The following ODF2L variants were observed in gnomAD, a reference collection of about 807,000 sequenced individuals.
The protein encoded by ODF2L is protein BCAP.
Under a neutral mutation model 86.3 loss-of-function variants are expected in ODF2L, and 76 were observed. The observed-to-expected ratio is 0.88, with a 90% CI of 0.73 to 1.07. The LOEUF (loss-of-function observed/expected upper bound fraction) is 1.07. ODF2L is among the 50% of genes least tolerant of loss of function. The pLI is 0.00. For missense variants in ODF2L, 748 were observed against 717.4 expected, an observed-to-expected ratio of 1.04 and a Z score of -0.49; for synonymous variants, 241 against 231.3, an observed-to-expected ratio of 1.04 and a Z score of -0.38.
At chr1:86,354,809 G>C in exon 15 of ODF2L, 2 of 1,606,638 alleles carry the variant, frequency 1.2e-6, no homozygotes, top group Non-Finnish European at 1.7e-6. Flanking sequence ...GAATAAGACA[G>C]TTTTCCTCTT....
chr1:86,358,494 A>G (rs1477248560), intron 13 of ODF2L: 1 of 167,138 alleles, frequency 6.0e-6, no homozygotes, highest in Non-Finnish European at 1.3e-5. Context: ...TTGTATACTT[A>G]TGATTGATAA....
chr1:86,376,656 G>C lies in ODF2L; in HGVS notation c.625-238C>G, dbSNP rs552488726. Among the ~76,000 whole-genome samples, 412 of 152,182 alleles carry C rather than the reference G, an allele frequency of 2.7e-3. 1 individual carries two copies. Among genetic ancestry groups the C allele is most frequent in the African/African-American group, 8.8e-3 (366 of 41,520 alleles). ...CATTGTAGAAGGCAGAGGAAGAAAG[G>C]ACCTTCTTCACATGGCGACAGGAGA... On this transcript the variant is annotated intron_variant, in intron 7 of 17. Transcript: ENST00000317336.
intron 6 of ODF2L, 54 bp from the exon 7 acceptor site, chr1:86,382,412 C>T: frequency 6.3e-7 from 1 of 1,595,732 alleles, no homozygotes. Flanking sequence ...TGCTGTATCC[C>T]CAGCCCAATA....
intron 3 of ODF2L, among the ~76,000 whole-genome samples, chr1:86,385,163 TTTTAG>T (rs1405051423): frequency 1.1e-4 from 16 of 152,100 alleles, no homozygotes; most frequent in African/African-American, 3.6e-4. Flanking sequence ...TCTCAGAAGA[TTTTAG>T]TTTAAAATTC....
intron 14 of ODF2L, 139 bp from the exon 14 acceptor site, chr1:86,354,998 A>G (rs1189646840): frequency 1.8e-6 from 1 of 570,768 alleles, no homozygotes; most frequent in African/African-American, 1.9e-5. Flanking sequence ...AGACACCAAG[A>G]AAATGTTATA....
intron 8 of ODF2L, among the ~76,000 whole-genome samples, chr1:86,373,202 G>A (rs67799288): frequency 0.32 from 48,145 of 151,608 alleles, 7,747 homozygotes; most frequent in East Asian, 0.41. Context: ...CATAGTGGAA[G>A]TTTCAACTTA....
At chr1:86,384,171 A>C (rs982564396) in intron 4 of ODF2L, among the ~76,000 whole-genome samples, 1 of 151,786 alleles carries the variant, frequency 6.6e-6, no homozygotes, top group African/African-American at 2.4e-5. Flanking sequence ...GAAAAAGCCA[A>C]AAGGGAGTCA....
chr1:86,371,101 T>G (rs778707555), exon 10 of ODF2L: 35 of 1,559,670 alleles, frequency 2.2e-5, no homozygotes, highest in Non-Finnish European at 1.5e-5. Context: ...TCACATGAAT[T>G]TTTTCCATGG....
At chr1:86,386,932 A>C (rs765162064) in exon 2 of ODF2L, 1 of 1,570,788 alleles carries the variant, frequency 6.4e-7, no homozygotes, top group East Asian at 2.3e-5. Context: ...GATGACTTTC[A>C]CTGGTACACC....
chr1:86,361,217 G>A (rs1469972700), intron 11 of ODF2L, among the ~76,000 whole-genome samples: 1 of 152,122 alleles, frequency 6.6e-6, no homozygotes, highest in Non-Finnish European at 1.5e-5. Flanking sequence ...AGAGACAGGG[G>A]ACTTATTACT....
chr1:86,381,212 C>A (rs2101240572), intron 7 of ODF2L, among the ~76,000 whole-genome samples: 1 of 152,078 alleles, frequency 6.6e-6, no homozygotes, highest in African/African-American at 2.4e-5. Flanking sequence ...TGTTCTTTCT[C>A]CAAATTATCA....
chr1:86,355,372 C>T, intron 14 of ODF2L: 1 of 1,538,530 alleles, frequency 6.5e-7, no homozygotes, highest in African/African-American at 1.4e-5. Flanking sequence ...ATTCTTCCCA[C>T]TGCTTCAAAA....
chr1:86,351,828 C>T, exon 18 of ODF2L: 1 of 913,324 alleles, frequency 1.1e-6, no homozygotes, highest in Non-Finnish European at 1.3e-6. Flanking sequence ...ATTTGGATTC[C>T]TAGGTATTTT....
chr1:86,389,719 C>T (rs1430166392), intron 1 of ODF2L, among the ~76,000 whole-genome samples: 1 of 152,104 alleles, frequency 6.6e-6, no homozygotes, highest in African/African-American at 2.4e-5. Flanking sequence ...CTACAACTGA[C>T]ACTACAGAAA....
chr1:86,373,269 C>A (rs1252019538), intron 8 of ODF2L, among the ~76,000 whole-genome samples: 2 of 148,748 alleles, frequency 1.3e-5, no homozygotes, highest in Non-Finnish European at 3.0e-5. Context: ...AAGATAATTT[C>A]TTTTCTTTTT....
chr1:86,385,722 T>G, intron 2 of ODF2L, 132 bp from the exon 3 acceptor site: 1 of 588,420 alleles, frequency 1.7e-6, no homozygotes, highest in South Asian at 2.9e-5. Flanking sequence ...AGCTCGAAAC[T>G]TGGACTTTGA....
intron 7 of ODF2L, among the ~76,000 whole-genome samples, chr1:86,380,434 A>G (rs1326973074): frequency 6.6e-6 from 1 of 152,158 alleles, no homozygotes; most frequent in East Asian, 1.9e-4. Context: ...CACAGGAAAC[A>G]CTGTTGTCAT....
At position 86,383,999 on chromosome 1, in the gene ODF2L, T is replaced by C. The variant is rs1350082499; in HGVS notation, c.372+677A>G. On this transcript the variant is annotated intron_variant, in intron 4 of 17. Coordinates refer to ENST00000317336, the Ensembl canonical transcript of ODF2L. ...AAAATACTGCAAAATGTACACAACA[T>C]AAAACTAACAGTTCTTAATAGTGAT... Among the ~76,000 whole-genome samples, 3 of 151,764 alleles carry C rather than the reference T, an allele frequency of 2.0e-5. No individual in the cohort carries two copies. The South Asian group carries it at 6.2e-4, about 31-fold the overall frequency.
chr1:86,355,197 T>C, intron 14 of ODF2L: 1 of 601,564 alleles, frequency 1.7e-6, no homozygotes, highest in South Asian at 2.5e-5. Flanking sequence ...TAATCTCCTA[T>C]TTTTGGATAC....
Sources: allele counts gnomAD v4.1 joint callset (sites outside exome capture counted in the v4.1 genomes callset), GRCh38; gene constraint gnomAD v4.1.1; transcripts MANE v1.5; gene names NCBI Gene and HGNC (gene_info 2026-07-23, HGNC 2026-07-21).